RYR2: variants seen among roughly 807,000 people sequenced by gnomAD.
The protein encoded by RYR2 is ryanodine receptor 2.
In RYR2, 227 loss-of-function variants were observed where a neutral mutation model predicts 601.1. The ratio of observed to expected loss-of-function variants is 0.38; its 90% confidence interval spans 0.34 to 0.42. RYR2 has a LOEUF of 0.42. Ranked by LOEUF, RYR2 falls within the 10% of genes least tolerant of loss-of-function variation. The pLI is 1.00. For missense variants in RYR2, 4,646 were observed against 6,156.5 expected (o/e 0.75, Z 8.21); for synonymous variants, 2,223 against 2,175.1 (o/e 1.02, Z -0.61).
intron 10 of RYR2, among the ~76,000 whole-genome samples, chr1:237,406,594 A>G (rs1372412851): frequency 6.6e-6 from 1 of 152,038 alleles, no homozygotes; most frequent in Non-Finnish European, 1.5e-5. Context: ...GTTATTTTGT[A>G]TATTCTGGAG....
chr1:237,133,981 C>G lies in RYR2; in HGVS notation c.48+91412C>G, dbSNP rs532815326. On this transcript the variant is annotated intron_variant, in intron 1 of 104. Coordinates refer to ENST00000366574, the MANE Select transcript of RYR2 (RefSeq NM_001035.3). ...CCCTTAGTTAGGAAAGGTATGAAAA[C>G]TTGCACCCTTTTGGTTGTCCACGTT... 5.4e-5 allele frequency among the ~76,000 whole-genome samples: 8 copies of G among 147,132 alleles called. No homozygotes were observed. In the South Asian group the frequency reaches 1.5e-3, roughly 28 times the overall value.
chr1:237,189,998 A>G lies in RYR2; in HGVS notation c.49-80499A>G, dbSNP rs1054765532. 2.6e-5 allele frequency among the ~76,000 whole-genome samples: 4 copies of G among 151,568 alleles called. No homozygotes were observed. In the South Asian group the frequency reaches 6.3e-4, roughly 24 times the overall value. ...AGTGATTTTCCTGCCTCAGCCTCCC[A>G]AGTAGCTGAGATTATAGGCACCTAC... On this transcript the variant is annotated intron_variant, in intron 1 of 104. Coordinates refer to ENST00000366574, the MANE Select transcript of RYR2 (RefSeq NM_001035.3).
At chr1:237,794,548 A>G (rs993700584) in intron 95 of RYR2, among the ~76,000 whole-genome samples, 1 of 152,168 alleles carries the variant, frequency 6.6e-6, no homozygotes, top group African/African-American at 2.4e-5. Flanking sequence ...GACCCAAACT[A>G]CTAGCTGCTG....
At chr1:237,060,854 G>A (rs1278380145) in intron 1 of RYR2, among the ~76,000 whole-genome samples, 1 of 152,108 alleles carries the variant, frequency 6.6e-6, no homozygotes, top group Non-Finnish European at 1.5e-5. Flanking sequence ...AAATATGAAA[G>A]ATTTAAATAT....
intron 92 of RYR2, among the ~76,000 whole-genome samples, chr1:237,788,933 C>T (rs1657993315): frequency 6.6e-6 from 1 of 151,764 alleles, no homozygotes; most frequent in South Asian, 2.1e-4. Context: ...TCCTTTTCCT[C>T]CATGCTTATC....
At position 237,170,857 on chromosome 1, in the gene RYR2, C is replaced by T. The variant is rs113615406; in HGVS notation, c.49-99640C>T. Among the ~76,000 whole-genome samples the T allele has an allele frequency of 6.0e-3, 905 of 151,910 alleles. 15 individuals are homozygous for T. The highest frequency in any genetic ancestry group is 0.021 in the African/African-American group (866 of 41,428). On this transcript the variant is annotated intron_variant, in intron 1 of 104. Coordinates refer to ENST00000366574, the MANE Select transcript of RYR2 (RefSeq NM_001035.3). ...TAGGTGTAGGTTTCTGTTTAGGTGT[C>T]GGTGGAGAAGTAAGTGTAGGCATCT...
chr1:237,732,201 C>T (rs1271025018), intron 78 of RYR2, 52 bp downstream of exon 78: 7 of 1,043,394 alleles, frequency 6.7e-6, no homozygotes, highest in South Asian at 1.4e-5. Context: ...TAAAGACACC[C>T]GTGTCTGAGT....
intron 30 of RYR2, 97 bp downstream of exon 30, chr1:237,590,098 C>T: frequency 1.8e-6 from 2 of 1,105,598 alleles, no homozygotes; most frequent in Non-Finnish European, 2.6e-6. Context: ...TTATGACTTA[C>T]TTAAAATGAT....
At position 237,795,836 on chromosome 1, in the gene RYR2, G is replaced by GTATATATATA. The variant is rs1553329286; in HGVS notation, c.13956+509_13956+518dup. On this transcript the variant is annotated intron_variant, in intron 96 of 104. Transcript: ENST00000366574. The stretch of plus-strand genomic sequence containing the variant: ...TATACAGGTATGTATGTGTGTGTGT[G>GTATATATATA]TATATATATATATGTATATGTATAT... Among the ~76,000 whole-genome samples the GTATATATATA allele has an allele frequency of 2.6e-3, 345 of 132,638 alleles. 1 individual carries two copies. Among genetic ancestry groups the GTATATATATA allele is most frequent in the South Asian group, 0.011 (47 of 4,166 alleles). 87.0% of individuals were successfully genotyped at this position (132,638 alleles called of 152,430 possible). A position where few individuals can be genotyped will look rare whatever the true frequency, so the allele number is the denominator to read the frequency against.
In RYR2 at chr1:237,542,186, C is replaced by T. The variant is rs1161541970; in HGVS notation, c.2907-6245C>T. ...TCGGCTCACCGCAAGCTCCGCCTCCCGGGTTCAAGCGATTCTCCTGCCTCA... is the reference window on the plus strand; with the variant it reads ...TCGGCTCACCGCAAGCTCCGCCTCCTGGGTTCAAGCGATTCTCCTGCCTCA... On this transcript the variant is annotated intron_variant, in intron 25 of 104. Coordinates refer to ENST00000366574, the MANE Select transcript of RYR2 (RefSeq NM_001035.3). 7.9e-5 allele frequency among the ~76,000 whole-genome samples: 12 copies of T among 152,140 alleles called. No homozygotes were observed. In the East Asian group the frequency reaches 1.2e-3, roughly 15 times the overall value.
At chr1:237,137,324 C>T (rs968880592) in intron 1 of RYR2, among the ~76,000 whole-genome samples, 1 of 152,118 alleles carries the variant, frequency 6.6e-6, no homozygotes, top group African/African-American at 2.4e-5. Context: ...GCTGGTGGGG[C>T]TGACCTCTAG....
intron 3 of RYR2, among the ~76,000 whole-genome samples, chr1:237,346,379 A>G (rs1424136486): frequency 5.9e-5 from 9 of 151,664 alleles, no homozygotes; most frequent in Non-Finnish European, 1.5e-5. Flanking sequence ...AAAAAAAAAA[A>G]AAAAAGTGCA....
chr1:237,400,971 G>C (rs1703300966), intron 10 of RYR2, among the ~76,000 whole-genome samples: 1 of 152,166 alleles, frequency 6.6e-6, no homozygotes, highest in Non-Finnish European at 1.5e-5. Flanking sequence ...GGCGTGTTTG[G>C]TGGGACCTCA....
chr1:237,510,731 G>T (rs919232142), intron 23 of RYR2, among the ~76,000 whole-genome samples: 6 of 152,212 alleles, frequency 3.9e-5, no homozygotes, highest in African/African-American at 1.4e-4. Flanking sequence ...CTGCCATCTA[G>T]GTGCTGCCAC....
At chr1:237,302,863 A>G (rs1269297168) in intron 2 of RYR2, among the ~76,000 whole-genome samples, 1 of 152,172 alleles carries the variant, frequency 6.6e-6, no homozygotes, top group African/African-American at 2.4e-5. Flanking sequence ...ATGGAATTCT[A>G]GGGTAAAGTC....
chr1:237,469,221 A>C (rs758700351), intron 17 of RYR2, 34 bp downstream of exon 17: 9 of 1,237,982 alleles, frequency 7.3e-6, no homozygotes, highest in Non-Finnish European at 1.0e-5. Flanking sequence ...GTTGTGATAG[A>C]TCACTCCTAT....
chr1:237,400,596 A>G (rs2149927447), intron 10 of RYR2, among the ~76,000 whole-genome samples: 1 of 152,322 alleles, frequency 6.6e-6, no homozygotes, highest in Admixed American at 6.5e-5. Flanking sequence ...AGGGAGACTC[A>G]AAGTTGGAAA....
intron 1 of RYR2, among the ~76,000 whole-genome samples, chr1:237,068,574 A>C (rs1278118009): frequency 6.6e-6 from 1 of 152,160 alleles, no homozygotes; most frequent in Non-Finnish European, 1.5e-5. Flanking sequence ...GCTTTTAAAA[A>C]ACACTTCCCA....
intron 2 of RYR2, among the ~76,000 whole-genome samples, chr1:237,329,271 C>T (rs1310918340): frequency 1.3e-5 from 2 of 152,070 alleles, no homozygotes; most frequent in African/African-American, 4.8e-5. Flanking sequence ...CAGCCTCAAA[C>T]TCTTGGGCCC....
Sources: allele counts gnomAD v4.1 joint callset (sites outside exome capture counted in the v4.1 genomes callset), GRCh38; gene constraint gnomAD v4.1.1; transcripts MANE v1.5; gene names NCBI Gene and HGNC (gene_info 2026-07-23, HGNC 2026-07-21).